Variants in LPIN2 observed in about 807,000 individuals in gnomAD.
LPIN2 encodes the protein lipin 2, also known as phosphatidate phosphatase LPIN2.
In LPIN2, 55 loss-of-function variants were observed where a neutral mutation model predicts 111.4. The ratio of observed to expected loss-of-function variants is 0.49; its 90% confidence interval spans 0.40 to 0.62. LPIN2 has a LOEUF of 0.62. Ranked by LOEUF, LPIN2 falls within the 20% of genes least tolerant of loss-of-function variation. The pLI is 0.00. For synonymous variants in LPIN2, 425 were observed against 414.0 expected (o/e 1.03, Z -0.32); for missense variants, 992 against 1,112.1 (o/e 0.89, Z 1.54).
chr18:2,947,788 T>A (rs1414844980), intron 4 of LPIN2, among the ~76,000 whole-genome samples: 2 of 152,222 alleles, frequency 1.3e-5, no homozygotes, highest in Non-Finnish European at 2.9e-5. Context: ...TAATTCCTAG[T>A]CCTCACAACT....
chr18:2,920,903 G>T, intron 18 of LPIN2, 22 bp from the exon 19 acceptor site: 1 of 1,531,500 alleles, frequency 6.5e-7, no homozygotes, highest in Non-Finnish European at 9.1e-7. Flanking sequence ...AATAGCAAGC[G>T]GGTGATTCCA....
intron 5 of LPIN2, among the ~76,000 whole-genome samples, chr18:2,940,154 T>C (rs1442440642): frequency 1.8e-5 from 1 of 56,272 alleles, no homozygotes; most frequent in Non-Finnish European, 3.9e-5. Flanking sequence ...AGCGAGACTC[T>C]GTCTCTACAA....
intron 1 of LPIN2, among the ~76,000 whole-genome samples, chr18:2,976,734 G>C (rs921581068): frequency 5.9e-5 from 9 of 152,122 alleles, no homozygotes; most frequent in Non-Finnish European, 1.2e-4. Flanking sequence ...GAGCTAGCTA[G>C]GAGTGACATA....
At chr18:2,987,548 C>T (rs1472434385) in intron 1 of LPIN2, among the ~76,000 whole-genome samples, 1 of 152,116 alleles carries the variant, frequency 6.6e-6, no homozygotes, top group African/African-American at 2.4e-5. Context: ...ATCTTTGACT[C>T]CAATTTTCTC....
intron 8 of LPIN2, among the ~76,000 whole-genome samples, chr18:2,933,722 A>G (rs2077245940): frequency 6.6e-6 from 1 of 152,244 alleles, no homozygotes; most frequent in Admixed American, 6.5e-5. Context: ...ACCACAGAGT[A>G]GCAGTTTAAC....
intron 3 of LPIN2, 48 bp from the exon 4 acceptor site, chr18:2,951,404 T>A: frequency 6.8e-7 from 1 of 1,461,024 alleles, no homozygotes; most frequent in Non-Finnish European, 9.6e-7. Context: ...AACTCGACAG[T>A]GAATTAAAGC....
rs1161483205 is a variant in LPIN2 at position 2,925,525 on chromosome 18, G to A, written c.1794-157C>T. Among the ~76,000 whole-genome samples, 1 of 152,240 alleles carries A rather than the reference G, an allele frequency of 6.6e-6. No individual in the cohort carries two copies. Among genetic ancestry groups the A allele is most frequent in the East Asian group, 1.9e-4 (1 of 5,192 alleles). On this transcript the variant is annotated intron_variant, in intron 13 of 19. Transcript: ENST00000677752. This position sits in a 1 kb window ranked among gnomAD's most constrained non-coding sequence, Gnocchi z 4.1. ...TTCTCCCATATCCACAGCTCTGTAC[G>A]CCTGAAATATTCATATTGTTAACTG...
At chr18:2,922,946 T>C (rs1869655438) in intron 16 of LPIN2, among the ~76,000 whole-genome samples, 1 of 152,220 alleles carries the variant, frequency 6.6e-6, no homozygotes, top group South Asian at 2.1e-4. Context: ...GTAATTTTCA[T>C]ATTATGGTAT....
At chr18:2,923,630 T>C in intron 16 of LPIN2, 145 bp downstream of exon 16, 1 of 770,288 alleles carries the variant, frequency 1.3e-6, no homozygotes, top group Non-Finnish European at 2.3e-6. Context: ...TCCCACACCA[T>C]CAACAGGAAA....
chr18:2,971,455 C>T (rs1056710672), intron 1 of LPIN2, among the ~76,000 whole-genome samples: 5 of 152,250 alleles, frequency 3.3e-5, no homozygotes, highest in South Asian at 2.1e-4. Flanking sequence ...GCACCCACCA[C>T]GCGGCATGAA....
At chr18:2,924,625 G>A (rs942429862) in intron 14 of LPIN2, 79 bp from the exon 15 acceptor site, 13 of 1,458,762 alleles carry the variant, frequency 8.9e-6, no homozygotes, top group Admixed American at 1.7e-5. Flanking sequence ...AGAACAACTG[G>A]TGTCTCGGAA....
At chr18:2,981,829 C>T (rs2078115565) in intron 1 of LPIN2, among the ~76,000 whole-genome samples, 1 of 151,632 alleles carries the variant, frequency 6.6e-6, no homozygotes, top group East Asian at 1.9e-4. Context: ...ATTTGTATAA[C>T]CTTAAAACTA....
chr18:2,964,282 C>CCA (rs2077756385), intron 1 of LPIN2, among the ~76,000 whole-genome samples: 2 of 56,868 alleles, frequency 3.5e-5, no homozygotes, highest in Non-Finnish European at 6.0e-5. Context: ...GACTCCGTCT[C>CCA]AAAAAAAAAA....
At chr18:2,920,557 C>T in intron 19 of LPIN2, 120 bp from the exon 20 acceptor site, 1 of 1,088,928 alleles carries the variant, frequency 9.2e-7, no homozygotes, top group Non-Finnish European at 1.4e-6. Flanking sequence ...AGAGGCAGGC[C>T]TCAGTCCCAT....
chr18:2,964,547 C>T (rs552211725), intron 1 of LPIN2, among the ~76,000 whole-genome samples: 95 of 152,240 alleles, frequency 6.2e-4, no homozygotes, highest in South Asian at 1.2e-3. Flanking sequence ...GAGAATACAG[C>T]AAGAAGTCTG....
chr18:2,922,609 T>G (rs994850655), intron 16 of LPIN2, among the ~76,000 whole-genome samples: 4 of 152,146 alleles, frequency 2.6e-5, no homozygotes, highest in African/African-American at 9.7e-5. Context: ...CAAATAAACT[T>G]CCTCTCATTT....
intron 1 of LPIN2, among the ~76,000 whole-genome samples, chr18:2,995,144 AG>A (rs1418859336): frequency 6.6e-6 from 1 of 151,618 alleles, no homozygotes; most frequent in Non-Finnish European, 1.5e-5. Context: ...AATAAATGCT[AG>A]TTTTCTTTTT....
Position 2,918,234 on chromosome 18 carries a change from C to CT in LPIN2, c.*2058dup, listed in dbSNP as rs1298549389. The CT allele has an allele frequency of 6.6e-6, 1 of 152,188 alleles. No individual in the cohort carries two copies. The highest frequency in any genetic ancestry group is 1.5e-5 in the Non-Finnish European group (1 of 68,024). The allele number at this position is 152,188 out of a possible 1,614,324, so 9.4% of individuals were successfully genotyped here. A position where few individuals can be genotyped will look rare whatever the true frequency, so the allele number is the denominator to read the frequency against. ...AGAGCCGGGTCCTAGACTGAACCCT[C>CT]TAAGAAGGCCCATGTGTCCAAAGAG... is the stretch of plus-strand genomic sequence containing the variant. On this transcript the variant is annotated 3_prime_UTR_variant, in exon 20 of 20. Transcript: ENST00000677752.
At chr18:2,940,785 C>A (rs1338003820) in intron 4 of LPIN2, 73 bp from the exon 5 acceptor site, 4 of 830,784 alleles carry the variant, frequency 4.8e-6, no homozygotes, top group Non-Finnish European at 6.2e-6. Context: ...CCCAAACCTA[C>A]TGATACTACA....
Sources: gnomAD v4.1 joint callset for allele counts (sites outside exome capture counted in the v4.1 genomes callset) on GRCh38, gnomAD v4.1.1 for gene constraint, Gnocchi (gnomAD v3.1) non-coding constraint, MANE v1.5 for transcripts, NCBI Gene and HGNC (gene_info 2026-07-23, HGNC 2026-07-21) for gene names.